UBE4B: variants seen among roughly 807,000 people sequenced by gnomAD.
UBE4B encodes the protein ubiquitination factor E4B.
Under a neutral mutation model 148.1 loss-of-function variants are expected in UBE4B, and 27 were observed. The observed-to-expected ratio is 0.18, with a 90% CI of 0.13 to 0.25. The LOEUF is 0.25. UBE4B is among the 10% of genes least tolerant of loss of function. The pLI, the probability that UBE4B is intolerant of heterozygous loss-of-function variation, is 1.00. For synonymous variants in UBE4B, 596 were observed against 619.3 expected (o/e 0.96, Z 0.56); for missense variants, 1,170 against 1,662.4 (o/e 0.70, Z 5.15).
At chr1:10,043,482 A>G (rs183841219) in intron 1 of UBE4B, among the ~76,000 whole-genome samples, 19 of 130,316 alleles carry the variant, frequency 1.5e-4, no homozygotes, top group Middle Eastern at 5.0e-3. Flanking sequence ...GCTGGAGTGC[A>G]GTGGCGCGAT....
chr1:10,136,676 T>A (rs6691957), intron 16 of UBE4B, among the ~76,000 whole-genome samples: 7,232 of 152,134 alleles, frequency 0.048, 447 homozygotes, highest in East Asian at 0.13. Flanking sequence ...TCCCAGCACT[T>A]TGGGAGGCCA....
At chr1:10,051,396 T>A (rs1322309334) in intron 1 of UBE4B, among the ~76,000 whole-genome samples, 1 of 152,222 alleles carries the variant, frequency 6.6e-6, no homozygotes, top group Non-Finnish European at 1.5e-5. Context: ...TTGTGTATAA[T>A]TGGAGTTTTA....
At chr1:10,172,490 C>A (rs1057305349) in intron 25 of UBE4B, among the ~76,000 whole-genome samples, 1 of 152,154 alleles carries the variant, frequency 6.6e-6, no homozygotes, top group Admixed American at 6.5e-5. Flanking sequence ...TCCAGGCAGC[C>A]TGGCCTTGAA....
intron 2 of UBE4B, among the ~76,000 whole-genome samples, chr1:10,081,578 C>T (rs748422146): frequency 3.3e-5 from 5 of 151,930 alleles, no homozygotes; most frequent in African/African-American, 7.3e-5. Context: ...GCACGTGCCA[C>T]CATGCCTGGC....
intron 15 of UBE4B, 104 bp from the exon 16 acceptor site, chr1:10,134,884 A>G (rs2101951531): frequency 1.0e-6 from 1 of 957,108 alleles, no homozygotes. Context: ...GGTTGCAGCC[A>G]AGATCACACC....
intron 21 of UBE4B, among the ~76,000 whole-genome samples, chr1:10,156,169 C>G (rs1462059874): frequency 6.7e-6 from 1 of 149,288 alleles, no homozygotes; most frequent in East Asian, 1.9e-4. Flanking sequence ...TTTGAGGGAA[C>G]AGTAGAAGTG....
intron 23 of UBE4B, among the ~76,000 whole-genome samples, chr1:10,167,227 G>A (rs866715089): frequency 3.9e-5 from 6 of 151,932 alleles, no homozygotes; most frequent in South Asian, 4.2e-4. Flanking sequence ...ATCACCTGAC[G>A]TCAGGAGTTC....
intron 1 of UBE4B, chr1:10,054,523 C>T: frequency 2.8e-6 from 1 of 363,354 alleles, no homozygotes. Flanking sequence ...TCTCTGGTAC[C>T]TTTCTCTTTG....
chr1:10,123,260 G>T (rs749138275), intron 10 of UBE4B, among the ~76,000 whole-genome samples: 2 of 151,912 alleles, frequency 1.3e-5, no homozygotes, highest in South Asian at 4.2e-4. Context: ...GTGAAACCCG[G>T]TCTCTACTAA....
chr1:10,118,256 A>G (rs2101916725), intron 8 of UBE4B, among the ~76,000 whole-genome samples: 1 of 152,256 alleles, frequency 6.6e-6, no homozygotes, highest in South Asian at 2.1e-4. Context: ...GGTTAGTTTC[A>G]TATTTGTAAA....
chr1:10,152,861 T>A (rs377005063), intron 21 of UBE4B, among the ~76,000 whole-genome samples: 4 of 151,884 alleles, frequency 2.6e-5, no homozygotes, highest in Non-Finnish European at 5.9e-5. Flanking sequence ...CCATCTTCTA[T>A]CCCTCAGTCT....
chr1:10,168,287 G>T lies in UBE4B; in HGVS notation c.3333+17G>T. The T allele has an allele frequency of 1.2e-6, 2 of 1,612,924 alleles. No homozygotes were observed. Among genetic ancestry groups the T allele is most frequent in the East Asian group, 2.2e-5 (1 of 44,806 alleles). ...CTCAGACCGGTGAGTAGAAACCCGG[G>T]GCTCTGTTTGGTGGTTTGGACTCCA... On this transcript the variant is annotated intron_variant, in intron 24 of 27. Transcript: ENST00000343090. This position sits in a 1 kb window ranked among gnomAD's most constrained non-coding sequence, Gnocchi z 4.9.
At chr1:10,081,235 T>C (rs1439703724) in intron 2 of UBE4B, among the ~76,000 whole-genome samples, 1 of 151,160 alleles carries the variant, frequency 6.6e-6, no homozygotes, top group Non-Finnish European at 1.5e-5. Flanking sequence ...GCTAATTTTA[T>C]TTTTGGTAGA....
chr1:10,051,568 C>T (rs1262011309), intron 1 of UBE4B, among the ~76,000 whole-genome samples: 2 of 152,208 alleles, frequency 1.3e-5, no homozygotes, highest in Non-Finnish European at 2.9e-5. Context: ...AATCTCTTCT[C>T]ACCCAGGGGC....
intron 2 of UBE4B, among the ~76,000 whole-genome samples, chr1:10,075,327 C>A (rs1187758949): frequency 1.3e-5 from 2 of 152,222 alleles, no homozygotes; most frequent in African/African-American, 4.8e-5. Flanking sequence ...ACCAGATTCT[C>A]ACCACCTGTT....
intron 2 of UBE4B, among the ~76,000 whole-genome samples, chr1:10,088,169 C>T (rs1644791944): frequency 6.6e-6 from 1 of 152,074 alleles, no homozygotes; most frequent in South Asian, 2.1e-4. Context: ...GCCAGTTCTC[C>T]AAGGAGCAGT....
At chr1:10,129,179 T>G in intron 11 of UBE4B, 1 of 484,974 alleles carries the variant, frequency 2.1e-6, no homozygotes, top group East Asian at 2.9e-5. Context: ...AGTTTCATTT[T>G]ATATTTCTGT....
At chr1:10,177,914 A>G (rs1646450639) in intron 25 of UBE4B, among the ~76,000 whole-genome samples, 1 of 151,914 alleles carries the variant, frequency 6.6e-6, no homozygotes. Flanking sequence ...AGGAGGGTTC[A>G]GATTTGCCTA....
chr1:10,076,326 C>A (rs1052739978), intron 2 of UBE4B, among the ~76,000 whole-genome samples: 1 of 150,354 alleles, frequency 6.7e-6, no homozygotes, highest in Non-Finnish European at 1.5e-5. Context: ...CTCACTGTAA[C>A]CTTTGTCTCC....
Sources: allele counts gnomAD v4.1 joint callset (sites outside exome capture counted in the v4.1 genomes callset), GRCh38; gene constraint gnomAD v4.1.1; non-coding constraint Gnocchi (gnomAD v3.1); transcripts MANE v1.5; gene names NCBI Gene and HGNC (gene_info 2026-07-23, HGNC 2026-07-21).